Variants in GATAD2A observed in about 807,000 individuals in gnomAD.
GATAD2A encodes the protein GATA zinc finger domain containing 2A, also known as transcriptional repressor p66-alpha.
Under a neutral mutation model 68.5 loss-of-function variants are expected in GATAD2A, and 12 were observed. The observed-to-expected ratio is 0.18, with a 90% CI of 0.11 to 0.28. The LOEUF (loss-of-function observed/expected upper bound fraction) is 0.28. Among genes scored for constraint, GATAD2A ranks in the 10% least tolerant of loss-of-function variants. The pLI, the probability that GATAD2A is intolerant of heterozygous loss-of-function variation, is 1.00. For missense variants in GATAD2A, 755 were observed against 868.5 expected, an observed-to-expected ratio of 0.87 and a Z score of 1.64; for synonymous variants, 410 against 375.3, an observed-to-expected ratio of 1.09 and a Z score of -1.07.
intron 2 of GATAD2A, chr19:19,472,573 A>G (rs2058391824): frequency 2.0e-5 from 3 of 150,620 alleles, no homozygotes; most frequent in Admixed American, 2.0e-4. Context: ...ACCTCAGGTA[A>G]TCCACCCACC....
chr19:19,430,976 G>GTGTGT lies in GATAD2A; in HGVS notation c.-7+24957_-7+24958insTGTGT, dbSNP rs1555699848. ...GTGTTTGGGTGGGTTGTATGGTAGG[G>GTGTGT]GTGTGTGTGTGTGTGTGTGTGTGTG... On this transcript the variant is annotated intron_variant, in intron 1 of 11. Coordinates refer to ENST00000683918, the MANE Select transcript of GATAD2A (RefSeq NM_001384528.1). 3.7e-5 allele frequency among the ~76,000 whole-genome samples: 5 copies of GTGTGT among 136,694 alleles called. No homozygotes were observed. In the Admixed American group the frequency reaches 3.7e-4, roughly 10 times the overall value. 89.7% of individuals were successfully genotyped at this position (136,694 alleles called of 152,430 possible). A position where few individuals can be genotyped will look rare whatever the true frequency, so the allele number is the denominator to read the frequency against.
chr19:19,452,849 G>C (rs1368459017), intron 1 of GATAD2A, among the ~76,000 whole-genome samples: 1 of 152,192 alleles, frequency 6.6e-6, no homozygotes, highest in African/African-American at 2.4e-5. Context: ...GTATGGCAGA[G>C]CATTAGCTGG....
chr19:19,503,580 TAAGA>T (rs1473721410), intron 11 of GATAD2A, among the ~76,000 whole-genome samples: 2 of 151,628 alleles, frequency 1.3e-5, no homozygotes, highest in Non-Finnish European at 2.9e-5. Context: ...TTTGAAAGGA[TAAGA>T]AAGAAGTAGA....
At chr19:19,452,966 C>T (rs1486833699) in intron 1 of GATAD2A, among the ~76,000 whole-genome samples, 1 of 152,226 alleles carries the variant, frequency 6.6e-6, no homozygotes, top group African/African-American at 2.4e-5. Context: ...CGCTCTCCCT[C>T]AGTCCTCAAA....
intron 1 of GATAD2A, among the ~76,000 whole-genome samples, chr19:19,460,905 G>T (rs2057372492): frequency 6.6e-6 from 1 of 152,174 alleles, no homozygotes; most frequent in African/African-American, 2.4e-5. Flanking sequence ...GTCTCCTTCA[G>T]GGCTGGCTTC....
chr19:19,470,929 A>T (rs2058257520), intron 2 of GATAD2A, among the ~76,000 whole-genome samples: 1 of 152,214 alleles, frequency 6.6e-6, no homozygotes, highest in African/African-American at 2.4e-5. Flanking sequence ...ACAGACAGGT[A>T]CACCTGCAGC....
At chr19:19,500,539 C>G (rs1177107046) in intron 8 of GATAD2A, among the ~76,000 whole-genome samples, 1 of 152,238 alleles carries the variant, frequency 6.6e-6, no homozygotes, top group Non-Finnish European at 1.5e-5. Flanking sequence ...CTTGCAGCCC[C>G]CAAGGAGACT....
chr19:19,424,788 C>A (rs1223140779), intron 1 of GATAD2A, among the ~76,000 whole-genome samples: 1 of 152,034 alleles, frequency 6.6e-6, no homozygotes, highest in South Asian at 2.1e-4. Flanking sequence ...GGAGGTTGCC[C>A]ATATGACAGG....
At chr19:19,483,781 ATTTTT>A (rs540958459) in intron 2 of GATAD2A, among the ~76,000 whole-genome samples, 20 of 130,006 alleles carry the variant, frequency 1.5e-4, no homozygotes, top group Admixed American at 1.5e-3. Context: ...TACCCGGCTA[ATTTTT>A]TTTTTTTTTT....
At chr19:19,481,132 A>G (rs1414879151) in intron 2 of GATAD2A, among the ~76,000 whole-genome samples, 1 of 152,066 alleles carries the variant, frequency 6.6e-6, no homozygotes, top group East Asian at 1.9e-4. Flanking sequence ...CCTGGAGGAA[A>G]GTGGGCCTAG....
At chr19:19,430,947 C>A (rs891526901) in intron 1 of GATAD2A, among the ~76,000 whole-genome samples, 1 of 146,948 alleles carries the variant, frequency 6.8e-6, no homozygotes, top group African/African-American at 2.6e-5. Flanking sequence ...TTTGAGAAGT[C>A]CTTGTGTTTG....
At chr19:19,449,396 G>A (rs2056119675) in intron 1 of GATAD2A, among the ~76,000 whole-genome samples, 1 of 152,078 alleles carries the variant, frequency 6.6e-6, no homozygotes, top group African/African-American at 2.4e-5. Flanking sequence ...TAGAGACAGG[G>A]TCCAGGCGGT....
chr19:19,419,994 A>C (rs1421954782), intron 1 of GATAD2A, among the ~76,000 whole-genome samples: 1 of 145,020 alleles, frequency 6.9e-6, no homozygotes, highest in Non-Finnish European at 1.5e-5. Flanking sequence ...GACCTTGGGC[A>C]ACCATCTTGA....
intron 1 of GATAD2A, among the ~76,000 whole-genome samples, chr19:19,416,750 GT>G (rs907079941): frequency 1.0e-4 from 15 of 146,668 alleles, no homozygotes; most frequent in Admixed American, 1.4e-4. Flanking sequence ...ACTCTTGGTT[GT>G]TTTTTTTTTT....
chr19:19,478,002 T>C (rs1568321693), intron 2 of GATAD2A, among the ~76,000 whole-genome samples: 2 of 152,292 alleles, frequency 1.3e-5, no homozygotes, highest in East Asian at 3.9e-4. Flanking sequence ...GTGACCAAAT[T>C]TTGTTGGCTG....
At chr19:19,469,445 A>AAAAG (rs1555712067) in intron 2 of GATAD2A, among the ~76,000 whole-genome samples, 3 of 152,118 alleles carry the variant, frequency 2.0e-5, no homozygotes, top group African/African-American at 7.2e-5. Flanking sequence ...AAAAAAGAAA[A>AAAAG]AAAGATCATC....
At chr19:19,405,251 C>T (rs938250221), upstream of GATAD2A, among the ~76,000 whole-genome samples, 16 of 152,166 alleles carry the variant, frequency 1.1e-4, no homozygotes, top group African/African-American at 3.6e-4. Flanking sequence ...CCACAGACAC[C>T]GGGGCCGAAG....
chr19:19,499,147 G>A (rs910471158), intron 8 of GATAD2A, among the ~76,000 whole-genome samples: 2 of 152,230 alleles, frequency 1.3e-5, no homozygotes, highest in African/African-American at 4.8e-5. Flanking sequence ...CCACTGCCCA[G>A]GGGCAGGCTC....
chr19:19,480,575 T>C (rs2058986499), intron 2 of GATAD2A, among the ~76,000 whole-genome samples: 1 of 152,180 alleles, frequency 6.6e-6, no homozygotes. Context: ...CTGTCGTACT[T>C]TGTCATGGGA....
Sources: gnomAD v4.1 joint callset for allele counts (sites outside exome capture counted in the v4.1 genomes callset) on GRCh38, gnomAD v4.1.1 for gene constraint, MANE v1.5 for transcripts, NCBI Gene and HGNC (gene_info 2026-07-23, HGNC 2026-07-21) for gene names.